The following MCM9 variants were observed in gnomAD, a reference collection of about 807,000 sequenced individuals.
MCM9 encodes the protein DNA helicase MCM9.
MCM9 carries 55 observed loss-of-function variants against 72.8 expected under a neutral mutation model. The observed-to-expected ratio is 0.76, with a 90% CI of 0.61 to 0.95. The LOEUF (loss-of-function observed/expected upper bound fraction) is 0.95. Among genes scored for constraint, MCM9 ranks in the 40% least tolerant of loss-of-function variants. MCM9 has a pLI of 0.00. For missense variants in MCM9, 1,279 were observed against 1,377.0 expected (o/e 0.93, Z 1.13); for synonymous variants, 480 against 503.4 (o/e 0.95, Z 0.62).
intron 8 of MCM9, among the ~76,000 whole-genome samples, chr6:118,864,465 C>T (rs1252542690): frequency 2.0e-5 from 3 of 152,052 alleles, no homozygotes; most frequent in Non-Finnish European, 4.4e-5. Flanking sequence ...ACTCTCCCTC[C>T]ACCCACAAAA....
rs201650289 is a variant in MCM9, at chr6:118,846,096, AATAAT to A, written c.1325+10270_1325+10274del. 4.5e-3 allele frequency among the ~76,000 whole-genome samples: 686 copies of A among 152,038 alleles called. 14 individuals are homozygous for A. In the East Asian group the frequency reaches 0.048, roughly 11 times the overall value. On this transcript the variant is annotated intron_variant, in intron 9 of 13. Coordinates refer to ENST00000619706, the MANE Select transcript of MCM9 (RefSeq NM_017696.3). ...AGTAAAAGTCAACATTTAAGAGTTAAATAATATAAGAAAGAATAACTTTAAAAAAT... is the reference window on the plus strand; with the variant it reads ...AGTAAAAGTCAACATTTAAGAGTTAAATAAGAAAGAATAACTTTAAAAAAT...
At chr6:118,826,745 A>C (rs1774193527) in intron 12 of MCM9, 37 bp downstream of exon 12, 2 of 1,448,040 alleles carry the variant, frequency 1.4e-6, no homozygotes, top group African/African-American at 2.9e-5. Context: ...GAAAGTTTGT[A>C]ATTAGGATAA....
rs183791533 is a variant in MCM9 at position 118,844,593 on chromosome 6, C to T, written c.1325+11778G>A. Among the ~76,000 whole-genome samples the T allele has an allele frequency of 6.3e-3, 955 of 151,692 alleles. 10 individuals carry two copies. Among genetic ancestry groups the T allele is most frequent in the Non-Finnish European group, 8.6e-3 (584 of 67,986 alleles). On this transcript the variant is annotated intron_variant, in intron 9 of 13. Transcript: ENST00000619706. ...AACTTAAATGGAAGAAAACAGATCA[C>T]GTAATTGGTGACAGCTATGATCTTG... is the stretch of plus-strand genomic sequence containing the variant.
intron 8 of MCM9, among the ~76,000 whole-genome samples, chr6:118,859,980 G>A (rs1776802045): frequency 6.6e-6 from 1 of 152,136 alleles, no homozygotes; most frequent in South Asian, 2.1e-4. Context: ...CTAATCACAG[G>A]ACTATAGAAT....
chr6:118,895,823 C>T (rs949388649), intron 8 of MCM9, among the ~76,000 whole-genome samples: 1 of 152,004 alleles, frequency 6.6e-6, no homozygotes, highest in African/African-American at 2.4e-5. Flanking sequence ...TTTAGGTAAT[C>T]GTGGCATGTA....
At chr6:118,871,671 C>T (rs1262922059) in intron 8 of MCM9, among the ~76,000 whole-genome samples, 3 of 152,164 alleles carry the variant, frequency 2.0e-5, no homozygotes, top group African/African-American at 4.8e-5. Context: ...AATCCCAACA[C>T]ACTGGGAGGC....
intron 8 of MCM9, chr6:118,905,946 C>T: frequency 1.5e-6 from 1 of 687,856 alleles, no homozygotes; most frequent in Non-Finnish European, 2.3e-6. Context: ...ATATGAGGTC[C>T]TTATGCCAAC....
chr6:118,834,942 G>C (rs1774854985), intron 9 of MCM9, among the ~76,000 whole-genome samples: 1 of 152,120 alleles, frequency 6.6e-6, no homozygotes, highest in Non-Finnish European at 1.5e-5. Flanking sequence ...CCTATGTCCT[G>C]AATGCTATCA....
At chr6:118,846,974 G>A (rs1322967642) in intron 9 of MCM9, among the ~76,000 whole-genome samples, 1 of 151,678 alleles carries the variant, frequency 6.6e-6, no homozygotes, top group Non-Finnish European at 1.5e-5. Flanking sequence ...CAAAGCAAAG[G>A]AAATCTGTAA....
At position 118,923,981 on chromosome 6, in the gene MCM9, T is replaced by G. The variant is rs1562439966; in HGVS notation, c.451A>C (p.Lys151Gln). ...TCAGCCTTGATCACAAACACATGCT[T>G]GCATTTGTTACACATGTAATCCCGC... ...FERDYMCNKCKHVFVIKADFE... is the reference protein window; with the variant it reads ...FERDYMCNKCQHVFVIKADFE... Residue 151 changes from lysine (K) to glutamine (Q), a missense_variant, in exon 4 of 14, where the codon AAG (lysine) becomes CAG (glutamine). Physicochemically the swap from Lys to Gln is moderately conservative, Grantham distance 53. Coordinates refer to ENST00000619706, the MANE Select transcript of MCM9 (RefSeq NM_017696.3). 2 of 1,614,210 alleles carry G rather than the reference T, an allele frequency of 1.2e-6. No individual in the cohort carries two copies. The highest frequency in any genetic ancestry group is 1.7e-6 in the Non-Finnish European group (2 of 1,180,026).
At chr6:118,897,376 G>A (rs983028295) in intron 8 of MCM9, among the ~76,000 whole-genome samples, 5 of 152,002 alleles carry the variant, frequency 3.3e-5, no homozygotes, top group Non-Finnish European at 5.9e-5. Flanking sequence ...TGAGACCCTG[G>A]CTGGATGTGC....
At chr6:118,854,385 C>T (rs958742745) in intron 9 of MCM9, among the ~76,000 whole-genome samples, 1 of 152,178 alleles carries the variant, frequency 6.6e-6, no homozygotes, top group Non-Finnish European at 1.5e-5. Context: ...AGAGGTCACT[C>T]TGTCGCCCAG....
intron 8 of MCM9, among the ~76,000 whole-genome samples, chr6:118,906,367 C>T (rs563750048): frequency 1.9e-4 from 29 of 152,148 alleles, no homozygotes; most frequent in Non-Finnish European, 3.7e-4. Flanking sequence ...GCCACCACGC[C>T]CAGAGAAAGT....
chr6:118,815,638 G>A lies in MCM9; in HGVS notation c.2618C>T (p.Pro873Leu). The part of the protein sequence containing the change: ...STRVPAQCTV[P>L]SHPQSTPVHS... ...TACAGGAGTGGACTGAGGATGGGAA[G>A]GGACTGTGCACTGTGCAGGCACCCT... The change falls in exon 14 of 14, where the codon CCT becomes CTT. Residue 873 changes from proline (P) to leucine (L), a missense_variant. Transcript: ENST00000619706. The A allele has an allele frequency of 6.4e-7, 1 of 1,550,428 alleles. No homozygotes were observed. The highest frequency in any genetic ancestry group is 8.7e-7 in the Non-Finnish European group (1 of 1,146,946).
intron 13 of MCM9, among the ~76,000 whole-genome samples, chr6:118,825,696 T>G (rs1465972746): frequency 6.6e-6 from 1 of 152,202 alleles, no homozygotes; most frequent in Non-Finnish European, 1.5e-5. Flanking sequence ...TGGGCAAAAT[T>G]TTTTTGGTAG....
chr6:118,816,986 T>C (rs999833437), intron 13 of MCM9, among the ~76,000 whole-genome samples: 1 of 152,192 alleles, frequency 6.6e-6, no homozygotes, highest in Non-Finnish European at 1.5e-5. Flanking sequence ...TACTCTTTTA[T>C]CAATTTGATA....
chr6:118,860,166 C>T (rs193134349), intron 8 of MCM9, among the ~76,000 whole-genome samples: 74 of 151,860 alleles, frequency 4.9e-4, no homozygotes, highest in African/African-American at 1.7e-3. Context: ...CTAGATATGG[C>T]GGGGACATTG....
Position 118,848,716 on chromosome 6 carries a change from G to A in MCM9, c.1325+7655C>T, listed in dbSNP as rs144046613. Among the ~76,000 whole-genome samples the A allele has an allele frequency of 1.6e-4, 25 of 152,206 alleles. No individual in the cohort carries two copies. The East Asian group carries it at 4.4e-3, about 27-fold the overall frequency. On this transcript the variant is annotated intron_variant, in intron 9 of 13. Transcript: ENST00000619706. ...AGGCAGGCAGATTGCCTGAGCTCAG[G>A]AGTTTGAGACCAGACTGTGCAACAT...
At chr6:118,836,905 C>T (rs1308282892) in intron 9 of MCM9, among the ~76,000 whole-genome samples, 1 of 152,064 alleles carries the variant, frequency 6.6e-6, no homozygotes, top group African/African-American at 2.4e-5. Flanking sequence ...TTTGCTCTTG[C>T]TTCTCTAGTT....
Sources: gnomAD v4.1 joint callset for allele counts (sites outside exome capture counted in the v4.1 genomes callset) on GRCh38, gnomAD v4.1.1 for gene constraint, MANE v1.5 for transcripts, NCBI Gene and HGNC (gene_info 2026-07-23, HGNC 2026-07-21) for gene names.